CACNA1H: variants seen among roughly 807,000 people sequenced by gnomAD.
CACNA1H encodes the protein calcium voltage-gated channel subunit alpha1 H, also known as voltage-dependent T-type calcium channel subunit alpha-1H.
CACNA1H carries 149 observed loss-of-function variants against 192.5 expected under a neutral mutation model. The ratio of observed to expected loss-of-function variants is 0.77; its 90% CI spans 0.68 to 0.89. The LOEUF (loss-of-function observed/expected upper bound fraction) is 0.89. Ranked by LOEUF, CACNA1H falls within the 40% of genes least tolerant of loss-of-function variation. The pLI is 0.00. For missense variants in CACNA1H, 4,257 were observed against 3,423.5 expected, an observed-to-expected ratio of 1.24 and a Z score of -6.08; for synonymous variants, 2,202 against 1,475.2, an observed-to-expected ratio of 1.49 and a Z score of -11.29.
Position 1,201,982 on chromosome 16 carries a change from C to T in CACNA1H, c.1532C>T (p.Thr511Ile). 3 of 1,541,930 alleles carry T rather than the reference C, an allele frequency of 1.9e-6. No homozygotes were observed. The highest frequency in any genetic ancestry group is 2.5e-5 in the East Asian group (1 of 40,786). ...CGCCAGCGCCGGGCAGGCAGGCACA[C>T]AGCCTCGGTGCACCACCTGGTCTAC... ...GHRQRRAGRH[T>I]ASVHHLVYHH... is the part of the protein sequence containing the mutation. The change falls in exon 9 of 35, where the codon ACA becomes ATA. Residue 511 changes from threonine to isoleucine, a missense_variant. Thr to Ile is a moderately conservative substitution (Grantham distance 89, BLOSUM62 -1). Coordinates refer to ENST00000348261, the MANE Select transcript of CACNA1H (RefSeq NM_021098.3).
intron 2 of CACNA1H, among the ~76,000 whole-genome samples, chr16:1,154,715 C>T (rs1482427577): frequency 6.6e-6 from 1 of 152,170 alleles, no homozygotes; most frequent in Non-Finnish European, 1.5e-5. Flanking sequence ...CAGCCCCTTC[C>T]CTGGCTGGAG....
chr16:1,220,658 G>A lies in CACNA1H; in HGVS notation c.6726G>A (p.Gly2242=), dbSNP rs58682447. The change falls in exon 35 of 35, where the codon GGG becomes GGA. Residue 2242 remains glycine (G), a synonymous_variant. Transcript: ENST00000348261. ...LEPTEGSGAG[G]DPAAKGERWG... ...CCACAGAGGGCTCAGGCGCCGGGGG[G>A]GACCCTGCAGCCAAGGGGGAGCGCT... 7.7e-5 allele frequency: 123 copies of A among 1,605,896 alleles called. No homozygotes were observed. Among genetic ancestry groups the A allele is most frequent in the African/African-American group, 2.7e-5 (2 of 74,644 alleles).
intron 27 of CACNA1H, among the ~76,000 whole-genome samples, 165 bp downstream of exon 27, chr16:1,214,096 A>T (rs1379506789): frequency 1.4e-5 from 2 of 146,398 alleles, no homozygotes; most frequent in Non-Finnish European, 3.0e-5. Context: ...GTTGATTGAA[A>T]CTCCCCTCCC....
At chr16:1,192,205 C>A (rs1195055470) in intron 2 of CACNA1H, among the ~76,000 whole-genome samples, 1 of 152,242 alleles carries the variant, frequency 6.6e-6, no homozygotes, top group Non-Finnish European at 1.5e-5. Flanking sequence ...TCCTGGCTTC[C>A]CTCGCTGCCA....
chr16:1,153,954 C>A lies in CACNA1H; in HGVS notation c.217C>A (p.Pro73Thr). 1 of 1,452,480 alleles carries A rather than the reference C, an allele frequency of 6.9e-7. No individual in the cohort carries two copies. Among genetic ancestry groups the A allele is most frequent in the Non-Finnish European group, 9.1e-7 (1 of 1,102,894 alleles). The allele number at this position is 1,452,480 out of a possible 1,614,324, so 90.0% of individuals were successfully genotyped here. ...GADEEQRVPY[P>T]ALAATVFFCL... ...CGACGAGGAGCAGCGCGTCCCGTAC[C>A]CGGCCTTGGCGGCCACGGTCTTCTT... Residue 73 changes from proline (P) to threonine (T), a missense_variant, in exon 2 of 35, where the codon CCG (proline) becomes ACG (threonine). Coordinates refer to ENST00000348261, the MANE Select transcript of CACNA1H (RefSeq NM_021098.3).
In CACNA1H at chr16:1,221,509, C is replaced by A. The variant is rs183814762; in HGVS notation, c.*515C>A. ...CACCACCCTTTCCGTTCCGCTCGGG[C>A]CTTCCCAGAAGCGTCCTGTGACTCT... On this transcript the variant is annotated 3_prime_UTR_variant, in exon 35 of 35. Transcript: ENST00000348261. 7.2e-6 allele frequency: 3 copies of A among 418,754 alleles called. No homozygotes were observed. The highest frequency in any genetic ancestry group is 3.4e-5 in the South Asian group (1 of 29,030). 25.9% of individuals were successfully genotyped at this position (418,754 alleles called of 1,614,324 possible).
At chr16:1,173,765 G>C (rs149877571) in intron 2 of CACNA1H, among the ~76,000 whole-genome samples, 2 of 152,348 alleles carry the variant, frequency 1.3e-5, no homozygotes, top group African/African-American at 2.4e-5. Context: ...CACCCCGGGA[G>C]AATTCCCCTA....
Position 1,220,313 on chromosome 16 carries a change from C to T in CACNA1H, c.6381C>T (p.Gly2127=), listed in dbSNP as rs1410696783. 9 of 1,559,364 alleles carry T rather than the reference C, an allele frequency of 5.8e-6. No individual in the cohort carries two copies. Among genetic ancestry groups the T allele is most frequent in the Middle Eastern group, 1.7e-4 (1 of 5,886 alleles). The change falls in exon 35 of 35, where the codon GGC becomes GGT. Residue 2127 remains glycine, a synonymous_variant. Transcript: ENST00000348261. ...GCCCCGAAGCCTCTCCGGTGGCCGG[C>T]GGCGAGCGGGACCTGCGCAGGCTCT... ...PHGPEASPVA[G]GERDLRRLYS... is the part of the protein sequence containing the mutation.
chr16:1,187,246 C>T (rs1162725976), intron 2 of CACNA1H, among the ~76,000 whole-genome samples: 1 of 152,230 alleles, frequency 6.6e-6, no homozygotes, highest in Non-Finnish European at 1.5e-5. Flanking sequence ...GTGGGCAGAG[C>T]GGACAGGGAG....
At position 1,167,031 on chromosome 16, in the gene CACNA1H, C is replaced by T. The variant is rs1963858469; in HGVS notation, c.299+12995C>T. 6.6e-6 allele frequency among the ~76,000 whole-genome samples: 1 copy of T among 152,224 alleles called. No individual in the cohort carries two copies. Among genetic ancestry groups the T allele is most frequent in the Non-Finnish European group, 1.5e-5 (1 of 68,040 alleles). Reference sequence around the variant, plus strand: ...AAAGCGGTGCCCACCTGTTGACCCACCTCTCGCCCCCAGCTTTTGGGTCCC... The same window carrying T: ...AAAGCGGTGCCCACCTGTTGACCCATCTCTCGCCCCCAGCTTTTGGGTCCC... On this transcript the variant is annotated intron_variant, in intron 2 of 34. Coordinates refer to ENST00000348261, the MANE Select transcript of CACNA1H (RefSeq NM_021098.3). The surrounding 1 kb of genome is among the most constrained non-coding windows in gnomAD (Gnocchi z 4.2).
intron 6 of CACNA1H, among the ~76,000 whole-genome samples, chr16:1,199,552 C>G (rs1452407466): frequency 2.0e-5 from 3 of 150,564 alleles, no homozygotes; most frequent in African/African-American, 7.4e-5. Flanking sequence ...ACAGGTTAGT[C>G]CCAACACTTC....
At chr16:1,206,925 C>CCTCCCG (rs1968793195) in intron 12 of CACNA1H, 76 bp from the exon 13 acceptor site, 1 of 209,266 alleles carries the variant, frequency 4.8e-6, no homozygotes, top group South Asian at 7.3e-5. Context: ...CTCCCACCCC[C>CCTCCCG]CTCCCGCTCC....
At chr16:1,219,849 G>A (rs1414012383) in intron 34 of CACNA1H, 132 bp from the exon 35 acceptor site, 2 of 598,980 alleles carry the variant, frequency 3.3e-6, no homozygotes, top group African/African-American at 3.8e-5. Context: ...CATCTCGAGG[G>A]TCAGGAGCCA....
At chr16:1,172,298 C>T (rs552598587) in intron 2 of CACNA1H, among the ~76,000 whole-genome samples, 1 of 152,292 alleles carries the variant, frequency 6.6e-6, no homozygotes, top group Non-Finnish European at 1.5e-5. Context: ...GCAGCCTTGC[C>T]TGTTGAGTAG....
Position 1,220,334 on chromosome 16 carries a change from G to A in CACNA1H, c.6402G>A (p.Arg2134=), listed in dbSNP as rs762839425. Residue 2134 remains arginine (R), a synonymous_variant, in exon 35 of 35, where the codon AGG becomes AGA. Coordinates refer to ENST00000348261, the MANE Select transcript of CACNA1H (RefSeq NM_021098.3). The part of the protein sequence containing the change: ...PVAGGERDLR[R]LYSVDAQGFL... Reference sequence around the variant, plus strand: ...CCGGCGGCGAGCGGGACCTGCGCAGGCTCTACAGCGTGGATGCTCAGGGCT... The same window carrying A: ...CCGGCGGCGAGCGGGACCTGCGCAGACTCTACAGCGTGGATGCTCAGGGCT... 3.9e-6 allele frequency: 6 copies of A among 1,552,626 alleles called. No homozygotes were observed. The highest frequency in any genetic ancestry group is 1.7e-6 in the Non-Finnish European group (2 of 1,156,544).
chr16:1,204,077 G>A lies in CACNA1H; in HGVS notation c.2070G>A (p.Ala690=), dbSNP rs374339990. 36 of 1,605,454 alleles carry A rather than the reference G, an allele frequency of 2.2e-5. No individual in the cohort carries two copies. Among genetic ancestry groups the A allele is most frequent in the Admixed American group, 3.4e-5 (2 of 59,294 alleles). The change falls in exon 10 of 35, where the codon GCG becomes GCA. Residue 690 remains alanine, a synonymous_variant. Transcript: ENST00000348261. ...SVPCPLPSPP[A]GTLTCELKSC... ...CCTGCCCCCTGCCCAGCCCCCCAGC[G>A]GGCACACTGACCTGTGAGCTGAAGA...
chr16:1,200,375 G>C lies in CACNA1H; in HGVS notation c.923G>C (p.Arg308Pro). ...CAGAAGTGCTCGCACATCCCCGGCC[G>C]CCGCGAGCTGCGCATGCCCTGCACC... ...GMQKCSHIPGRRELRMPCTLG... is the reference protein window; with the variant it reads ...GMQKCSHIPGPRELRMPCTLG... The change falls in exon 7 of 35, where the codon CGC becomes CCC. Residue 308 changes from arginine (R) to proline (P), a missense_variant. Physicochemically the swap from Arg to Pro is moderately radical, Grantham distance 103 (BLOSUM62 -2). Transcript: ENST00000348261. 2 of 1,600,492 alleles carry C rather than the reference G, an allele frequency of 1.2e-6. No homozygotes were observed. The highest frequency in any genetic ancestry group is 1.7e-6 in the Non-Finnish European group (2 of 1,174,402).
chr16:1,211,853 C>G, intron 24 of CACNA1H, 48 bp downstream of exon 24: 1 of 1,609,232 alleles, frequency 6.2e-7, no homozygotes, highest in South Asian at 1.1e-5. Flanking sequence ...CTCCCGCGAG[C>G]GGCTGCCTTG....
At chr16:1,187,344 T>C (rs1192294033) in intron 2 of CACNA1H, among the ~76,000 whole-genome samples, 1 of 152,162 alleles carries the variant, frequency 6.6e-6, no homozygotes, top group Non-Finnish European at 1.5e-5. Flanking sequence ...AGCACGTGGC[T>C]AAGAGTCCTG....
Sources: allele counts gnomAD v4.1 joint callset (sites outside exome capture counted in the v4.1 genomes callset), GRCh38; gene constraint gnomAD v4.1.1; non-coding constraint Gnocchi (gnomAD v3.1); transcripts MANE v1.5; gene names NCBI Gene and HGNC (gene_info 2026-07-23, HGNC 2026-07-21).